The following FLT1 variants were observed in gnomAD, a reference collection of about 807,000 sequenced individuals.
FLT1 encodes the protein fms related receptor tyrosine kinase 1, also known as vascular endothelial growth factor receptor 1.
In FLT1, 49 loss-of-function variants were observed where a neutral mutation model predicts 156.3. The observed-to-expected ratio is 0.31, with a 90% CI of 0.25 to 0.40. The LOEUF (loss-of-function observed/expected upper bound fraction) is 0.40. Among genes scored for constraint, FLT1 ranks in the 10% least tolerant of loss-of-function variants. The pLI is 1.00. For synonymous variants in FLT1, 594 were observed against 583.8 expected (o/e 1.02, Z -0.25); for missense variants, 1,322 against 1,637.2 (o/e 0.81, Z 3.32).
chr13:28,306,653 C>T lies in FLT1; in HGVS notation c.3815+25G>A, dbSNP rs113985560. Reference sequence around the variant, plus strand: ...CCCTCGTACCCCTCCATCAACTGATCACAGAAAAGATACCCAATTCTTACT... The same window carrying T: ...CCCTCGTACCCCTCCATCAACTGATTACAGAAAAGATACCCAATTCTTACT... On this transcript the variant is annotated intron_variant, in intron 29 of 29. Coordinates refer to ENST00000282397, the MANE Select transcript of FLT1 (RefSeq NM_002019.4). The T allele has an allele frequency of 1.6e-4, 253 of 1,537,792 alleles. 2 individuals carry two copies. In the African/African-American group the frequency reaches 2.8e-3, roughly 17 times the overall value.
At chr13:28,385,688 T>C (rs1308330082) in intron 13 of FLT1, 1 of 985,726 alleles carries the variant, frequency 1.0e-6, no homozygotes, top group East Asian at 6.7e-5. Context: ...TATTGTATTT[T>C]ATATTATTTT....
At chr13:28,361,595 AG>A (rs1216900669) in intron 14 of FLT1, among the ~76,000 whole-genome samples, 1 of 152,204 alleles carries the variant, frequency 6.6e-6, no homozygotes, top group Non-Finnish European at 1.5e-5. Flanking sequence ...AAAAGATCTG[AG>A]GGATGGAGAC....
chr13:28,312,132 G>T, intron 25 of FLT1, 34 bp from the exon 26 acceptor site: 1 of 1,337,996 alleles, frequency 7.5e-7, no homozygotes. Context: ...AATAGTTGGA[G>T]AGCAGTGATC....
chr13:28,438,075 C>A, intron 4 of FLT1, 146 bp downstream of exon 4: 2 of 745,014 alleles, frequency 2.7e-6, no homozygotes, highest in Non-Finnish European at 4.7e-6. Flanking sequence ...TAGCACTATT[C>A]CTTATAGTAA....
chr13:28,392,126 G>C (rs893711113), intron 12 of FLT1, among the ~76,000 whole-genome samples: 1 of 152,148 alleles, frequency 6.6e-6, no homozygotes, highest in African/African-American at 2.4e-5. Context: ...ATTTTTCTGA[G>C]CTTTGGCTTT....
chr13:28,308,858 G>A lies in FLT1; in HGVS notation c.3705C>T (p.Ala1235=). 1 of 1,610,846 alleles carries A rather than the reference G, an allele frequency of 6.2e-7. No individual in the cohort carries two copies. The highest frequency in any genetic ancestry group is 1.1e-5 in the South Asian group (1 of 91,006). Reference sequence around the variant, plus strand: ...CACGACTTACATCAAACATGGAGGTGGCATTCGGTAAAAGTTCTTCAAAGG... The same window carrying A: ...CACGACTTACATCAAACATGGAGGTAGCATTCGGTAAAAGTTCTTCAAAGG... ...IKTFEELLPN[A]TSMFDDYQGD... is the part of the protein sequence containing the mutation. The change falls in exon 28 of 30, where the codon GCC becomes GCT. Residue 1235 remains alanine (A), a synonymous_variant. Transcript: ENST00000282397.
At chr13:28,388,660 T>C (rs1195274816) in intron 13 of FLT1, 2 of 1,055,952 alleles carry the variant, frequency 1.9e-6, no homozygotes, top group Non-Finnish European at 2.3e-6. Context: ...TGCCGCTTCT[T>C]AATCCCCATA....
At chr13:28,492,834 C>T (rs1257147148) in intron 1 of FLT1, among the ~76,000 whole-genome samples, 2 of 152,156 alleles carry the variant, frequency 1.3e-5, no homozygotes, top group African/African-American at 4.8e-5. Context: ...TTTTCAAAAG[C>T]ACCCATGATG....
At chr13:28,337,985 T>C (rs1363497712) in intron 17 of FLT1, among the ~76,000 whole-genome samples, 1 of 152,236 alleles carries the variant, frequency 6.6e-6, no homozygotes, top group Non-Finnish European at 1.5e-5. Context: ...TCTTCCAGTG[T>C]GCCACCTGCC....
intron 25 of FLT1, among the ~76,000 whole-genome samples, chr13:28,315,267 A>T (rs1210386103): frequency 6.6e-6 from 1 of 152,214 alleles, no homozygotes; most frequent in South Asian, 2.1e-4. Context: ...ATAAAAACTA[A>T]TTTCAGGCCA....
chr13:28,468,524 TC>T (rs1256761110), intron 1 of FLT1, among the ~76,000 whole-genome samples: 2 of 152,168 alleles, frequency 1.3e-5, no homozygotes, highest in Non-Finnish European at 2.9e-5. Flanking sequence ...TTTCTCACAG[TC>T]CCAGCCTGAT....
chr13:28,329,467 C>A (rs910731313), intron 19 of FLT1, 148 bp downstream of exon 19: 1 of 687,434 alleles, frequency 1.5e-6, no homozygotes, highest in Non-Finnish European at 2.7e-6. Flanking sequence ...TCTGTAGATG[C>A]ACAAGCTGTT....
chr13:28,493,569 C>T (rs1372595084), intron 1 of FLT1, among the ~76,000 whole-genome samples: 1 of 152,080 alleles, frequency 6.6e-6, no homozygotes, highest in Non-Finnish European at 1.5e-5. Context: ...CTTTTCTTCC[C>T]GGGAATCATT....
At chr13:28,367,883 C>T (rs1429636884) in intron 14 of FLT1, among the ~76,000 whole-genome samples, 3 of 152,162 alleles carry the variant, frequency 2.0e-5, no homozygotes, top group Non-Finnish European at 4.4e-5. Context: ...CATCAAAGTC[C>T]AATTCAGATG....
rs1378646188 is a variant in FLT1 at position 28,301,338 on chromosome 13, G to GTT, written c.*1827_*1828dup. ...TCTCTTCTGGCTCTAGCCTGCTTTT[G>GTT]TTTGGATTTAGATCTTGGTGGAGAG... is the stretch of plus-strand genomic sequence containing the variant. On this transcript the variant is annotated 3_prime_UTR_variant, in exon 30 of 30. Coordinates refer to ENST00000282397, the MANE Select transcript of FLT1 (RefSeq NM_002019.4). The GTT allele has an allele frequency of 4.3e-6, 1 of 232,958 alleles. No individual in the cohort carries two copies. Among genetic ancestry groups the GTT allele is most frequent in the Non-Finnish European group, 8.5e-6 (1 of 117,992 alleles). 14.4% of individuals were successfully genotyped at this position (232,958 alleles called of 1,614,324 possible). A position where few individuals can be genotyped will look rare whatever the true frequency, so the allele number is the denominator to read the frequency against.
intron 3 of FLT1, among the ~76,000 whole-genome samples, chr13:28,458,482 C>T (rs1208412266): frequency 1.3e-5 from 2 of 152,154 alleles, no homozygotes; most frequent in Admixed American, 6.5e-5. Context: ...AGGGAATGGC[C>T]TGAACATTTT....
At chr13:28,369,301 G>A in intron 14 of FLT1, among the ~76,000 whole-genome samples, 1 of 152,158 alleles carries the variant, frequency 6.6e-6, no homozygotes, top group East Asian at 1.9e-4. Flanking sequence ...AAGGGGGTCG[G>A]ATCACCTGAG....
chr13:28,483,187 C>T (rs931723064), intron 1 of FLT1, among the ~76,000 whole-genome samples: 2 of 152,140 alleles, frequency 1.3e-5, no homozygotes, highest in Admixed American at 6.5e-5. Context: ...ACAATGTTTT[C>T]CAAAAAGAAA....
At chr13:28,310,458 C>T (rs920559062) in intron 27 of FLT1, among the ~76,000 whole-genome samples, 4 of 152,118 alleles carry the variant, frequency 2.6e-5, no homozygotes, top group Admixed American at 1.3e-4. Context: ...ATTTGTGTAA[C>T]GGGAATGATA....
Sources: allele counts gnomAD v4.1 joint callset (sites outside exome capture counted in the v4.1 genomes callset), GRCh38; gene constraint gnomAD v4.1.1; transcripts MANE v1.5; gene names NCBI Gene and HGNC (gene_info 2026-07-23, HGNC 2026-07-21).